ATP9B: variants seen among roughly 807,000 people sequenced by gnomAD.
ATP9B encodes ATPase phospholipid transporting 9B.
ATP9B carries 110 observed loss-of-function variants against 146.1 expected under a neutral mutation model. The observed-to-expected ratio is 0.75, with a 90% confidence interval of 0.65 to 0.88. ATP9B has a LOEUF of 0.88. Ranked by LOEUF, ATP9B falls within the 40% of genes least tolerant of loss-of-function variation. ATP9B has a pLI of 0.00. For missense variants in ATP9B, 1,499 were observed against 1,496.4 expected, an observed-to-expected ratio of 1.00 and a Z score of -0.03; for synonymous variants, 604 against 569.7, an observed-to-expected ratio of 1.06 and a Z score of -0.86.
chr18:79,305,230 G>A (rs963809340), intron 14 of ATP9B, among the ~76,000 whole-genome samples: 1 of 152,302 alleles, frequency 6.6e-6, no homozygotes, highest in African/African-American at 2.4e-5. Context: ...CCATTGCTGC[G>A]TTTCTACTCT....
chr18:79,333,158 C>T (rs1425054022), intron 17 of ATP9B, among the ~76,000 whole-genome samples: 4 of 152,138 alleles, frequency 2.6e-5, no homozygotes, highest in African/African-American at 7.2e-5. Flanking sequence ...CCTGGGGGGC[C>T]GTGATGTGTT....
intron 1 of ATP9B, among the ~76,000 whole-genome samples, chr18:79,072,489 A>G (rs2146370509): frequency 6.6e-6 from 1 of 152,360 alleles, no homozygotes; most frequent in East Asian, 1.9e-4. Flanking sequence ...GATTAACGGC[A>G]TCCCAAGGCA....
Position 79,172,448 on chromosome 18 carries a change from CCG to C in ATP9B, c.779-4364_779-4363del, listed in dbSNP as rs1433416995. On this transcript the variant is annotated intron_variant, in intron 7 of 29. Coordinates refer to ENST00000426216, the MANE Select transcript of ATP9B (RefSeq NM_198531.5). ...GGTGCTGTGATTACAGGCGTAGCCA[CCG>C]TGCCCCGCCCTTCCGATCCGCCTTG... is the stretch of plus-strand genomic sequence containing the variant. Among the ~76,000 whole-genome samples the C allele has an allele frequency of 3.3e-4, 27 of 80,916 alleles. 5 individuals are homozygous for C. The highest frequency in any genetic ancestry group is 2.4e-3 in the African/African-American group (24 of 10,038). The allele number at this position is 80,916 out of a possible 152,430, so 53.1% of individuals were successfully genotyped here. A position where few individuals can be genotyped will look rare whatever the true frequency, so the allele number is the denominator to read the frequency against.
At chr18:79,272,429 A>G (rs1355243527) in intron 12 of ATP9B, among the ~76,000 whole-genome samples, 3 of 151,920 alleles carry the variant, frequency 2.0e-5, no homozygotes, top group Non-Finnish European at 4.4e-5. Flanking sequence ...TGAATCCTGC[A>G]CGGATACGCT....
At chr18:79,226,782 T>G (rs1190983941) in intron 11 of ATP9B, among the ~76,000 whole-genome samples, 1 of 152,138 alleles carries the variant, frequency 6.6e-6, no homozygotes, top group Non-Finnish European at 1.5e-5. Flanking sequence ...AAATGGAAAG[T>G]TTGCAGTGCT....
intron 7 of ATP9B, chr18:79,174,029 T>A (rs1340265761): frequency 3.0e-6 from 1 of 328,950 alleles, no homozygotes; most frequent in Non-Finnish European, 5.9e-6. Context: ...ACCCGAGGAA[T>A]TGAGCTGGAC....
At chr18:79,090,790 A>G (rs192979621) in intron 1 of ATP9B, among the ~76,000 whole-genome samples, 1 of 152,152 alleles carries the variant, frequency 6.6e-6, no homozygotes, top group African/African-American at 2.4e-5. Flanking sequence ...ACTTGATGCT[A>G]TCTCGTTTGT....
intron 26 of ATP9B, among the ~76,000 whole-genome samples, chr18:79,367,155 G>A (rs1453833492): frequency 2.4e-5 from 2 of 83,132 alleles, no homozygotes; most frequent in African/African-American, 5.4e-5. Flanking sequence ...CAGAGAAAGC[G>A]CCTCCTCAAC....
Position 79,149,645 on chromosome 18 carries a change from T to C in ATP9B, c.727-4859T>C, listed in dbSNP as rs976097951. On this transcript the variant is annotated intron_variant, in intron 6 of 29. Transcript: ENST00000426216. Reference sequence around the variant, plus strand: ...TGAAAAGCTACAGATGGAGAAAATATTTGTAAACCATATATTCAACAAAGA... The same window carrying C: ...TGAAAAGCTACAGATGGAGAAAATACTTGTAAACCATATATTCAACAAAGA... Among the ~76,000 whole-genome samples the C allele has an allele frequency of 2.0e-5, 3 of 151,932 alleles. No homozygotes were observed. In the East Asian group the frequency reaches 5.8e-4, roughly 29 times the overall value.
At chr18:79,234,897 G>T (rs543444742) in intron 11 of ATP9B, among the ~76,000 whole-genome samples, 2 of 152,160 alleles carry the variant, frequency 1.3e-5, no homozygotes, top group South Asian at 4.2e-4. Context: ...TTTTGAGATG[G>T]AGTCTCACTC....
At chr18:79,252,975 G>A (rs2145075872) in intron 11 of ATP9B, among the ~76,000 whole-genome samples, 1 of 152,322 alleles carries the variant, frequency 6.6e-6, no homozygotes, top group Middle Eastern at 3.4e-3. Flanking sequence ...GCACATGCAA[G>A]GAAGACCCGC....
rs1349609645 is a variant in ATP9B, at chr18:79,285,601, T to C, written c.1411+8405T>C. 6.5e-3 allele frequency among the ~76,000 whole-genome samples: 981 copies of C among 151,276 alleles called. 5 individuals carry two copies. Among genetic ancestry groups the C allele is most frequent in the African/African-American group, 0.023 (917 of 40,568 alleles). The stretch of plus-strand genomic sequence containing the variant: ...ACTCTGATGGTAGTTTCTTTTGCTC[T>C]GCAGAAGCTCTTTAGTTTAATTAGA... On this transcript the variant is annotated intron_variant, in intron 13 of 29. Transcript: ENST00000426216.
At chr18:79,270,646 C>T (rs554950502) in intron 12 of ATP9B, among the ~76,000 whole-genome samples, 5 of 152,148 alleles carry the variant, frequency 3.3e-5, no homozygotes, top group African/African-American at 1.2e-4. Flanking sequence ...TAACTTTCAA[C>T]CAGCAATGAT....
At chr18:79,189,076 C>T (rs4128933) in intron 8 of ATP9B, among the ~76,000 whole-genome samples, 31 of 152,010 alleles carry the variant, frequency 2.0e-4, no homozygotes, top group African/African-American at 6.5e-4. Context: ...AGGCCAGGCA[C>T]GGTGGATCAC....
chr18:79,318,994 G>A (rs938404839), intron 15 of ATP9B, among the ~76,000 whole-genome samples: 4 of 152,188 alleles, frequency 2.6e-5, no homozygotes, highest in African/African-American at 7.2e-5. Context: ...TGTTAGGGAA[G>A]AAAAGTGTGT....
At chr18:79,316,445 A>G (rs1418917744) in intron 15 of ATP9B, among the ~76,000 whole-genome samples, 3 of 152,142 alleles carry the variant, frequency 2.0e-5, no homozygotes, top group Non-Finnish European at 2.9e-5. Flanking sequence ...CCTTCTTCCC[A>G]TGTCTGTCCT....
intron 7 of ATP9B, among the ~76,000 whole-genome samples, chr18:79,166,482 G>C (rs1568315048): frequency 6.6e-6 from 1 of 152,168 alleles, no homozygotes. Flanking sequence ...GTCCTACAAT[G>C]CTGAGCTTAC....
intron 18 of ATP9B, among the ~76,000 whole-genome samples, chr18:79,336,997 T>TA (rs35990209): frequency 0.46 from 70,615 of 151,924 alleles, 16,625 homozygotes; most frequent in East Asian, 0.7. Flanking sequence ...TGAGTACACA[T>TA]AGAGTATGTG....
chr18:79,309,393 G>A (rs2096638372), intron 15 of ATP9B, among the ~76,000 whole-genome samples: 4 of 144,708 alleles, frequency 2.8e-5, no homozygotes, highest in African/African-American at 1.1e-4. Flanking sequence ...AAGGTCAGGG[G>A]CGGAGGAGTG....
Sources: allele counts gnomAD v4.1 joint callset (sites outside exome capture counted in the v4.1 genomes callset), GRCh38; gene constraint gnomAD v4.1.1; transcripts MANE v1.5; gene names NCBI Gene and HGNC (gene_info 2026-07-23, HGNC 2026-07-21).